Variants in KCNH5 observed in about 807,000 individuals in gnomAD.
The protein encoded by KCNH5 is potassium voltage-gated channel subfamily H member 5.
A neutral mutation model predicts 96.1 loss-of-function variants in KCNH5; 46 were observed. The ratio of observed to expected loss-of-function variants is 0.48; its 90% CI spans 0.38 to 0.61. KCNH5 has a LOEUF of 0.61. Ranked by LOEUF, KCNH5 falls within the 20% of genes least tolerant of loss-of-function variation. The probability of loss-of-function intolerance (pLI) is 0.00; values close to 1 mark genes in which losing one functional copy is unlikely to be tolerated. For synonymous variants in KCNH5, 439 were observed against 449.8 expected (o/e 0.98, Z 0.30); for missense variants, 907 against 1,225.8 (o/e 0.74, Z 3.88).
chr14:62,799,988 G>A (rs1403939881), intron 9 of KCNH5, among the ~76,000 whole-genome samples: 3 of 150,568 alleles, frequency 2.0e-5, no homozygotes, highest in Non-Finnish European at 4.4e-5. Flanking sequence ...GGAGGAGGAG[G>A]AGAAGAAGAG....
intron 7 of KCNH5, among the ~76,000 whole-genome samples, chr14:62,895,771 A>C (rs1273959699): frequency 6.6e-6 from 1 of 152,232 alleles, no homozygotes; most frequent in Non-Finnish European, 1.5e-5. Flanking sequence ...TTCTCATTAA[A>C]AAATCTAGTG....
intron 7 of KCNH5, among the ~76,000 whole-genome samples, chr14:62,900,745 A>C (rs1888908119): frequency 6.6e-6 from 1 of 152,178 alleles, no homozygotes; most frequent in African/African-American, 2.4e-5. Flanking sequence ...AAGAAAACAA[A>C]GATATGATGA....
At chr14:62,829,744 T>G (rs1450922752) in intron 8 of KCNH5, among the ~76,000 whole-genome samples, 1 of 152,208 alleles carries the variant, frequency 6.6e-6, no homozygotes, top group African/African-American at 2.4e-5. Context: ...TGAAGACATT[T>G]TCCCCATTGT....
At chr14:62,955,456 A>C (rs1890085729) in intron 6 of KCNH5, among the ~76,000 whole-genome samples, 1 of 152,216 alleles carries the variant, frequency 6.6e-6, no homozygotes, top group African/African-American at 2.4e-5. Flanking sequence ...GAACAATCCT[A>C]TGTGGTACCT....
intron 10 of KCNH5, 73 bp from the exon 11 acceptor site, chr14:62,708,528 G>A: frequency 2.2e-6 from 2 of 906,396 alleles, no homozygotes. Flanking sequence ...ATACTATGCT[G>A]TATGTGCTTT....
Position 63,045,402 on chromosome 14 carries a change from C to T in KCNH5, c.-216G>A. The T allele has an allele frequency of 1.8e-6, 1 of 567,432 alleles. No individual in the cohort carries two copies. The highest frequency in any genetic ancestry group is 3.2e-6 in the Non-Finnish European group (1 of 315,324). The allele number at this position is 567,432 out of a possible 1,614,324, so 35.1% of individuals were successfully genotyped here. A position where few individuals can be genotyped will look rare whatever the true frequency, so the allele number is the denominator to read the frequency against. The stretch of plus-strand genomic sequence containing the variant: ...CCAGGCAGTTCATGGTAGTAGCGCT[C>T]CCCCGGCCGCCGCTGCCCAGACTGT... On this transcript the variant is annotated 5_prime_UTR_variant, in exon 1 of 11. Coordinates refer to ENST00000322893, the MANE Select transcript of KCNH5 (RefSeq NM_139318.5).
At chr14:63,038,481 T>C (rs1177300997) in intron 1 of KCNH5, among the ~76,000 whole-genome samples, 2 of 152,186 alleles carry the variant, frequency 1.3e-5, no homozygotes, top group Non-Finnish European at 2.9e-5. Flanking sequence ...GTTATATTTC[T>C]GTAATGGGAC....
chr14:62,827,709 A>G (rs531813620), intron 8 of KCNH5, among the ~76,000 whole-genome samples: 1 of 152,282 alleles, frequency 6.6e-6, no homozygotes, highest in East Asian at 1.9e-4. Flanking sequence ...TTAAAATCAA[A>G]TTGTTCTTGT....
At chr14:62,938,685 C>T (rs1167794855) in intron 7 of KCNH5, among the ~76,000 whole-genome samples, 1 of 152,200 alleles carries the variant, frequency 6.6e-6, no homozygotes, top group Non-Finnish European at 1.5e-5. Flanking sequence ...CTGTTCTACA[C>T]CAGAGTATCA....
intron 7 of KCNH5, among the ~76,000 whole-genome samples, chr14:62,873,984 C>G (rs1888316704): frequency 6.6e-6 from 1 of 152,232 alleles, no homozygotes; most frequent in South Asian, 2.1e-4. Context: ...AACTCTTAAG[C>G]ATGCAGGAGA....
chr14:63,016,854 G>A lies in KCNH5; in HGVS notation c.174C>T (p.Val58=), dbSNP rs938893274. 7 of 1,610,622 alleles carry A rather than the reference G, an allele frequency of 4.3e-6. No individual in the cohort carries two copies. The highest frequency in any genetic ancestry group is 5.9e-6 in the Non-Finnish European group (7 of 1,178,180). The change falls in exon 2 of 11, where the codon GTC becomes GTT. Residue 58 remains valine, a synonymous_variant. Coordinates refer to ENST00000322893, the MANE Select transcript of KCNH5 (RefSeq NM_139318.5). ...CKLSGYHRAD[V]MQKSSTCSFM... ...ACCTGCAAGTGCTGCTTTTCTGCAT[G>A]ACGTCAGCTCGATGATATCCAGAGA...
chr14:62,920,264 T>G (rs556183191), intron 7 of KCNH5, among the ~76,000 whole-genome samples: 1 of 152,026 alleles, frequency 6.6e-6, no homozygotes, highest in African/African-American at 2.4e-5. Context: ...AGGATACTAA[T>G]GTATGTCAGT....
At chr14:62,753,621 G>A (rs2139947479) in intron 10 of KCNH5, among the ~76,000 whole-genome samples, 1 of 152,262 alleles carries the variant, frequency 6.6e-6, no homozygotes, top group African/African-American at 2.4e-5. Context: ...AACATACAGT[G>A]GAGCTCCAAT....
At position 62,707,636 on chromosome 14, in the gene KCNH5, C is replaced by G. The variant is rs760426989; in HGVS notation, c.2839G>C (p.Val947Leu). 3 of 1,579,778 alleles carry G rather than the reference C, an allele frequency of 1.9e-6. No individual in the cohort carries two copies. The highest frequency in any genetic ancestry group is 2.7e-5 in the African/African-American group (2 of 74,084). ...EILKILSEKS[V>L]PQASSPKSQM... ...GATTTGGGAGATGAGGCCTGGGGTA[C>G]GCTTTTTTCCGACAGTATTTTTAAA... Residue 947 changes from valine (V) to leucine (L), a missense_variant, in exon 11 of 11, where the codon GTA becomes CTA. Around this residue, in one of 6 missense-constraint regions of KCNH5, gnomAD observed 362 missense variants for 394.4 expected, o/e 0.92. Transcript: ENST00000322893.
At chr14:62,916,047 G>C (rs1294663964) in intron 7 of KCNH5, among the ~76,000 whole-genome samples, 1 of 151,148 alleles carries the variant, frequency 6.6e-6, no homozygotes, top group Non-Finnish European at 1.5e-5. Context: ...CTGCCTCCCG[G>C]GTTCACACCA....
chr14:62,724,703 T>C (rs1049550427), intron 10 of KCNH5, among the ~76,000 whole-genome samples: 1 of 152,258 alleles, frequency 6.6e-6, no homozygotes, highest in African/African-American at 2.4e-5. Flanking sequence ...CTTCTAAACA[T>C]TGCTGGCCAG....
rs1364084633 is a variant in KCNH5 at position 62,803,043 on chromosome 14, T to C, written c.1570-462A>G. ...GTGCATGCCTGTAGTTCTAGCTACT[T>C]GGGAGGCTGAAGTGGGAGAATCACC... On this transcript the variant is annotated intron_variant, in intron 8 of 10. Coordinates refer to ENST00000322893, the MANE Select transcript of KCNH5 (RefSeq NM_139318.5). 2.6e-5 allele frequency among the ~76,000 whole-genome samples: 4 copies of C among 152,102 alleles called. No homozygotes were observed. The East Asian group carries it at 7.7e-4, about 29-fold the overall frequency.
At chr14:62,955,167 A>G (rs1216989176) in intron 6 of KCNH5, among the ~76,000 whole-genome samples, 1 of 152,054 alleles carries the variant, frequency 6.6e-6, no homozygotes, top group Non-Finnish European at 1.5e-5. Flanking sequence ...GCAGGGCACT[A>G]TTTATATTCA....
intron 7 of KCNH5, among the ~76,000 whole-genome samples, chr14:62,879,979 A>C (rs78803544): frequency 0.02 from 3,109 of 152,302 alleles, 58 homozygotes; most frequent in East Asian, 0.081. Flanking sequence ...TTATTAAAAA[A>C]CATTTCATTA....
Sources: gnomAD v4.1 joint callset for allele counts (sites outside exome capture counted in the v4.1 genomes callset) on GRCh38, gnomAD v4.1.1 for gene constraint, gnomAD v4.1.1 regional missense constraint, MANE v1.5 for transcripts, NCBI Gene and HGNC (gene_info 2026-07-23, HGNC 2026-07-21) for gene names.